The following STK24 variants were observed in gnomAD, a reference collection of about 807,000 sequenced individuals.
The protein encoded by STK24 is serine/threonine-protein kinase 24.
In STK24, 21 loss-of-function variants were observed where a neutral mutation model predicts 55.6. The ratio of observed to expected loss-of-function variants is 0.38; its 90% CI spans 0.27 to 0.54. The LOEUF is 0.54. Among genes scored for constraint, STK24 ranks in the 20% least tolerant of loss-of-function variants. The probability of loss-of-function intolerance (pLI) is 0.79; values close to 1 mark genes in which losing one functional copy is unlikely to be tolerated. For synonymous variants in STK24, 200 were observed against 215.2 expected, an observed-to-expected ratio of 0.93 and a Z score of 0.62; for missense variants, 383 against 538.4, an observed-to-expected ratio of 0.71 and a Z score of 2.86.
intron 2 of STK24, among the ~76,000 whole-genome samples, chr13:98,517,675 G>A (rs777186282): frequency 2.0e-5 from 3 of 152,002 alleles, no homozygotes; most frequent in Non-Finnish European, 2.9e-5. Context: ...ATTCCCCCAC[G>A]GAAGTCACAT....
intron 2 of STK24, among the ~76,000 whole-genome samples, chr13:98,494,989 A>G (rs1895193049): frequency 6.6e-6 from 1 of 152,224 alleles, no homozygotes; most frequent in South Asian, 2.1e-4. Flanking sequence ...GTGGCAGCAC[A>G]TAAAACCCAG....
At chr13:98,525,851 A>T (rs1400210825) in intron 1 of STK24, among the ~76,000 whole-genome samples, 1 of 152,244 alleles carries the variant, frequency 6.6e-6, no homozygotes, top group Non-Finnish European at 1.5e-5. Context: ...TGTCTGACAC[A>T]TCCCATGCAG....
chr13:98,473,309 CAG>C (rs1420180936), intron 5 of STK24, among the ~76,000 whole-genome samples: 2 of 29,128 alleles, frequency 6.9e-5, no homozygotes, highest in African/African-American at 2.6e-4. Context: ...AATCTAAAAT[CAG>C]AGTCCTCAGT....
chr13:98,474,670 CTG>C (rs769699824), intron 5 of STK24, 149 bp downstream of exon 5: 34 of 990,346 alleles, frequency 3.4e-5, no homozygotes, highest in Non-Finnish European at 4.9e-5. Context: ...GAGGAGAAAA[CTG>C]TTCATAACCA....
At chr13:98,551,521 T>A (rs1566401110) in intron 1 of STK24, among the ~76,000 whole-genome samples, 2 of 152,002 alleles carry the variant, frequency 1.3e-5, no homozygotes, top group Non-Finnish European at 2.9e-5. Flanking sequence ...TTTCCCATTA[T>A]TTCATGCAGG....
chr13:98,561,612 ATTCT>A (rs1213547794), intron 1 of STK24, among the ~76,000 whole-genome samples: 2 of 152,050 alleles, frequency 1.3e-5, no homozygotes, highest in Non-Finnish European at 2.9e-5. Context: ...CAGCAAGGTT[ATTCT>A]TTCTAACTTG....
rs1248284763 is a variant in STK24 at position 98,448,560 on chromosome 13, A to AAAAC, written c.*4609_*4612dup. 3.9e-6 allele frequency: 2 copies of AAAAC among 515,842 alleles called. No homozygotes were observed. Among genetic ancestry groups the AAAAC allele is most frequent in the Admixed American group, 7.0e-5 (2 of 28,548 alleles). The allele number at this position is 515,842 out of a possible 1,614,324, so 32.0% of individuals were successfully genotyped here. A position where few individuals can be genotyped will look rare whatever the true frequency, so the allele number is the denominator to read the frequency against. ...CTGTTCTTTAGCTAGTGCCAGTATT[A>AAAAC]AAACATTGTCATTACGAGAGTGCCA... On this transcript the variant is annotated 3_prime_UTR_variant, in exon 11 of 11. Transcript: ENST00000539966.
Position 98,451,458 on chromosome 13 carries a change from A to G in STK24, c.*1715T>C, listed in dbSNP as rs1893188693. On this transcript the variant is annotated 3_prime_UTR_variant, in exon 11 of 11. Coordinates refer to ENST00000539966, the MANE Select transcript of STK24 (RefSeq NM_001032296.4). ...CCCAACCAAAATATATCCCTTATAC[A>G]AATTAAGAGTTCAACCCAAATCCAC... The G allele has an allele frequency of 6.6e-6, 1 of 152,228 alleles. No homozygotes were observed. The highest frequency in any genetic ancestry group is 6.5e-5 in the Admixed American group (1 of 15,282). The allele number at this position is 152,228 out of a possible 1,614,324, so 9.4% of individuals were successfully genotyped here. A position where few individuals can be genotyped will look rare whatever the true frequency, so the allele number is the denominator to read the frequency against.
rs1338301229 is a variant in STK24, at chr13:98,445,402, G to A, written c.*7771C>T. On this transcript the variant is annotated 3_prime_UTR_variant, in exon 11 of 11. Coordinates refer to ENST00000539966, the MANE Select transcript of STK24 (RefSeq NM_001032296.4). ...TTGTTTGGAGGTAGCATGGACACAG[G>A]TGCCTGTCCCTGCCCCCTAGCTGGG... 2 of 152,228 alleles carry A rather than the reference G, an allele frequency of 1.3e-5. No homozygotes were observed. The highest frequency in any genetic ancestry group is 2.4e-5 in the African/African-American group (1 of 41,456). 9.4% of individuals were successfully genotyped at this position (152,228 alleles called of 1,614,324 possible).
At chr13:98,526,174 C>T (rs1235026991) in intron 1 of STK24, among the ~76,000 whole-genome samples, 1 of 152,166 alleles carries the variant, frequency 6.6e-6, no homozygotes, top group Non-Finnish European at 1.5e-5. Context: ...AATTTTTGTC[C>T]TGTTTTCTCT....
chr13:98,519,156 CTT>C, intron 2 of STK24, 85 bp downstream of exon 2: 1 of 1,075,592 alleles, frequency 9.3e-7, no homozygotes, highest in Non-Finnish European at 1.4e-6. Flanking sequence ...ACCTGCTGTG[CTT>C]TGTCCTATCA....
chr13:98,564,138 A>C (rs1162328785), intron 1 of STK24, among the ~76,000 whole-genome samples: 1 of 152,054 alleles, frequency 6.6e-6, no homozygotes, highest in Non-Finnish European at 1.5e-5. Context: ...AACATTGAAA[A>C]CTCTACTGAT....
intron 3 of STK24, among the ~76,000 whole-genome samples, chr13:98,480,598 AT>A (rs1261969097): frequency 2.0e-5 from 3 of 152,116 alleles, no homozygotes; most frequent in Non-Finnish European, 4.4e-5. Flanking sequence ...TTTTAATACC[AT>A]TTTTATCAAT....
intron 1 of STK24, among the ~76,000 whole-genome samples, chr13:98,571,976 G>C (rs1016472781): frequency 1.3e-5 from 2 of 152,192 alleles, no homozygotes; most frequent in African/African-American, 2.4e-5. Context: ...GCTCAAAAAT[G>C]TGCCATACTT....
At chr13:98,522,600 C>T (rs1896302813) in intron 1 of STK24, among the ~76,000 whole-genome samples, 1 of 152,216 alleles carries the variant, frequency 6.6e-6, no homozygotes, top group African/African-American at 2.4e-5. Context: ...ACCCAGACAT[C>T]TCTAGCTCAA....
intron 3 of STK24, among the ~76,000 whole-genome samples, chr13:98,481,049 A>G (rs201964078): frequency 2.8e-4 from 43 of 152,186 alleles, no homozygotes; most frequent in East Asian, 3.8e-4. Flanking sequence ...CACTGCAATG[A>G]CAGATCTGGC....
intron 1 of STK24, among the ~76,000 whole-genome samples, chr13:98,560,768 C>A (rs567456518): frequency 3.9e-5 from 6 of 152,092 alleles, no homozygotes; most frequent in East Asian, 3.9e-4. Context: ...GTAGTCCCAG[C>A]CACTCAGGAG....
intron 5 of STK24, among the ~76,000 whole-genome samples, chr13:98,467,942 T>A (rs576363585): frequency 6.6e-6 from 1 of 152,348 alleles, no homozygotes; most frequent in South Asian, 2.1e-4. Context: ...AGAACACGCC[T>A]GAGTCTGGTA....
chr13:98,562,466 G>T (rs1037540315), intron 1 of STK24, among the ~76,000 whole-genome samples: 3 of 152,194 alleles, frequency 2.0e-5, no homozygotes, highest in Non-Finnish European at 4.4e-5. Flanking sequence ...CAGCAGAAAG[G>T]AACGGAATTA....
Sources: gnomAD v4.1 joint callset for allele counts (sites outside exome capture counted in the v4.1 genomes callset) on GRCh38, gnomAD v4.1.1 for gene constraint, MANE v1.5 for transcripts, NCBI Gene and HGNC (gene_info 2026-07-23, HGNC 2026-07-21) for gene names.